CDH12: variants seen among roughly 807,000 people sequenced by gnomAD.
CDH12 encodes the protein cadherin 12.
Under a neutral mutation model 74.1 loss-of-function variants are expected in CDH12, and 41 were observed. That is an observed-to-expected ratio of 0.55 (90% CI 0.43 to 0.72). The LOEUF (loss-of-function observed/expected upper bound fraction) is 0.72, where lower values mean the gene tolerates loss of function less well. Ranked by LOEUF, CDH12 falls within the 30% of genes least tolerant of loss-of-function variation. The pLI is 0.00. For synonymous variants in CDH12, 399 were observed against 355.0 expected, an observed-to-expected ratio of 1.12 and a Z score of -1.39; for missense variants, 945 against 977.2, an observed-to-expected ratio of 0.97 and a Z score of 0.44.
At chr5:22,620,595 C>A (rs1314000982) in intron 1 of CDH12, among the ~76,000 whole-genome samples, 11 of 151,980 alleles carry the variant, frequency 7.2e-5, no homozygotes, top group Admixed American at 1.3e-4. Flanking sequence ...ACTTATAGTT[C>A]ATATATTTCT....
At chr5:21,900,807 G>A (rs983732777) in intron 6 of CDH12, among the ~76,000 whole-genome samples, 3 of 152,160 alleles carry the variant, frequency 2.0e-5, no homozygotes, top group Non-Finnish European at 4.4e-5. Flanking sequence ...CTTTGATAGC[G>A]AATGCTCAGA....
intron 3 of CDH12, among the ~76,000 whole-genome samples, chr5:22,249,469 A>G (rs1287539114): frequency 6.6e-6 from 1 of 152,176 alleles, no homozygotes; most frequent in Non-Finnish European, 1.5e-5. Flanking sequence ...TTTACAAAGC[A>G]AGATCTGTAT....
Position 22,836,223 on chromosome 5 carries a change from C to CTTTTTTTTTTTTTTTTTT in CDH12, c.-523+16817_-523+16834dup, listed in dbSNP as rs61616737. ...TTTTTTTCTTTTTTTCTTTCTTTCTCTTTTTTTTTTTTTTTTTTGAGACAG... is the reference window on the plus strand; with the variant it reads ...TTTTTTTCTTTTTTTCTTTCTTTCTCTTTTTTTTTTTTTTTTTTTTTTTTTTTTTTTTTTTTGAGACAG... On this transcript the variant is annotated intron_variant, in intron 1 of 14. Coordinates refer to ENST00000382254, the MANE Select transcript of CDH12 (RefSeq NM_004061.5). Among the ~76,000 whole-genome samples, 555 of 65,494 alleles carry CTTTTTTTTTTTTTTTTTT rather than the reference C, an allele frequency of 8.5e-3. 53 individuals are homozygous for CTTTTTTTTTTTTTTTTTT. The highest frequency in any genetic ancestry group is 0.023 in the Middle Eastern group (1 of 44). 43.0% of individuals were successfully genotyped at this position (65,494 alleles called of 152,430 possible).
At chr5:22,410,641 G>GT (rs1285501245) in intron 2 of CDH12, among the ~76,000 whole-genome samples, 8 of 152,190 alleles carry the variant, frequency 5.3e-5, no homozygotes, top group African/African-American at 1.2e-4. Context: ...AAATTTGCAT[G>GT]TTTTTTCTCT....
intron 10 of CDH12, among the ~76,000 whole-genome samples, chr5:21,792,325 T>G (rs937156915): frequency 6.6e-6 from 1 of 151,922 alleles, no homozygotes; most frequent in African/African-American, 2.4e-5. Context: ...TTCCTCCTCA[T>G]TTTTACTTTC....
intron 6 of CDH12, among the ~76,000 whole-genome samples, chr5:21,902,051 A>G (rs1032719300): frequency 3.3e-5 from 5 of 152,164 alleles, no homozygotes; most frequent in African/African-American, 1.2e-4. Flanking sequence ...AGATGAAGAT[A>G]TCACTGGATG....
intron 4 of CDH12, among the ~76,000 whole-genome samples, chr5:22,092,501 A>C (rs1743494810): frequency 6.6e-6 from 1 of 152,290 alleles, no homozygotes; most frequent in East Asian, 1.9e-4. Flanking sequence ...CAATATGCCC[A>C]TGAAAGGACT....
intron 1 of CDH12, among the ~76,000 whole-genome samples, chr5:22,585,117 T>C (rs2126789501): frequency 6.6e-6 from 1 of 152,356 alleles, no homozygotes; most frequent in African/African-American, 2.4e-5. Flanking sequence ...TGGTAGAATA[T>C]ACTTCTGTTA....
intron 5 of CDH12, among the ~76,000 whole-genome samples, chr5:21,999,002 G>A (rs1434320269): frequency 5.3e-5 from 8 of 152,056 alleles, no homozygotes; most frequent in Non-Finnish European, 1.0e-4. Context: ...TTGCCTTAAC[G>A]GTCTCCGTTT....
intron 2 of CDH12, among the ~76,000 whole-genome samples, chr5:22,499,542 G>T (rs1747249279): frequency 6.6e-6 from 1 of 152,094 alleles, no homozygotes; most frequent in Non-Finnish European, 1.5e-5. Context: ...GATATACTTT[G>T]AAATCATTAT....
chr5:22,034,440 G>A (rs924355195), intron 5 of CDH12, among the ~76,000 whole-genome samples: 1 of 152,012 alleles, frequency 6.6e-6, no homozygotes, highest in African/African-American at 2.4e-5. Context: ...TTTCTATATT[G>A]TAAGGAAAAA....
chr5:21,752,035 T>C lies in CDH12; in HGVS notation c.2087A>G (p.Asp696Gly). ...ENKIRRDIKP[D>G]SLCLPRQRPP... The stretch of plus-strand genomic sequence containing the variant: ...TCTCTGACGAGGTAAACAGAGAGAG[T>C]CTGGTTTTATATCCCTGCGAATTTT... The change falls in exon 15 of 15, where the codon GAC becomes GGC. Residue 696 changes from aspartate to glycine, a missense_variant. Transcript: ENST00000382254. 1.9e-6 allele frequency: 3 copies of C among 1,613,914 alleles called. No homozygotes were observed. Among genetic ancestry groups the C allele is most frequent in the Non-Finnish European group, 2.5e-6 (3 of 1,179,954 alleles).
intron 1 of CDH12, chr5:22,580,174 G>T (rs975157538): frequency 1.0e-5 from 3 of 289,688 alleles, no homozygotes; most frequent in Middle Eastern, 1.2e-3. Context: ...ATCCAGATGA[G>T]GGTACATTTT....
chr5:22,310,551 G>C (rs1267954592), intron 3 of CDH12, among the ~76,000 whole-genome samples: 1 of 151,382 alleles, frequency 6.6e-6, no homozygotes, highest in African/African-American at 2.4e-5. Context: ...TATCTAATTT[G>C]ATTCCACCAC....
At chr5:22,128,554 C>T (rs1271481343) in intron 4 of CDH12, among the ~76,000 whole-genome samples, 1 of 152,064 alleles carries the variant, frequency 6.6e-6, no homozygotes, top group Admixed American at 6.6e-5. Context: ...GACACATGAT[C>T]TCTCAAGATA....
At position 22,478,768 on chromosome 5, in the gene CDH12, T is replaced by A. The variant is rs570895771; in HGVS notation, c.-428+26502A>T. Among the ~76,000 whole-genome samples the A allele has an allele frequency of 1.4e-3, 216 of 152,268 alleles. 1 individual carries two copies. The highest frequency in any genetic ancestry group is 5.1e-3 in the African/African-American group (214 of 41,556). ...AAGTGCTTCCATTTACTCACATAAT[T>A]AAACCCTCTATATCATAAATATTGA... On this transcript the variant is annotated intron_variant, in intron 2 of 14. Transcript: ENST00000382254.
At position 21,765,113 on chromosome 5, in the gene CDH12, A is replaced by G. The variant is rs1368898925; in HGVS notation, c.1394-14T>C. ...ATAAAGGGTTACCTGTTAAAAACAT[A>G]TAAAGATAAAAGATGATTACAAAAT... On this transcript the variant is annotated splice_polypyrimidine_tract_variant and intron_variant, in intron 11 of 14. Transcript: ENST00000382254. 8.5e-6 allele frequency: 13 copies of G among 1,527,944 alleles called. No homozygotes were observed. Among genetic ancestry groups the G allele is most frequent in the Non-Finnish European group, 1.1e-5 (12 of 1,140,304 alleles). 94.6% of individuals were successfully genotyped at this position (1,527,944 alleles called of 1,614,324 possible).
intron 4 of CDH12, among the ~76,000 whole-genome samples, chr5:22,131,806 G>T (rs1746193779): frequency 6.6e-6 from 1 of 152,102 alleles, no homozygotes; most frequent in Non-Finnish European, 1.5e-5. Context: ...TTGGTAGAGA[G>T]TCTTGCCTAA....
At chr5:21,892,388 C>A (rs1281804973) in intron 6 of CDH12, among the ~76,000 whole-genome samples, 1 of 152,040 alleles carries the variant, frequency 6.6e-6, no homozygotes, top group Admixed American at 6.6e-5. Context: ...AATCCTGGAA[C>A]TCTAGGGTAG....
Sources: gnomAD v4.1 joint callset for allele counts (sites outside exome capture counted in the v4.1 genomes callset) on GRCh38, gnomAD v4.1.1 for gene constraint, MANE v1.5 for transcripts, NCBI Gene and HGNC (gene_info 2026-07-23, HGNC 2026-07-21) for gene names.